FBXO36: variants seen among roughly 807,000 people sequenced by gnomAD.
FBXO36 encodes the protein F-box protein 36.
FBXO36 carries 18 observed loss-of-function variants against 17.0 expected under a neutral mutation model. That is an observed-to-expected ratio of 1.06 (90% confidence interval 0.73 to 1.57). The LOEUF (loss-of-function observed/expected upper bound fraction) is 1.57, where lower values mean the gene tolerates loss of function less well. Among genes scored for constraint, FBXO36 ranks in the 40% most tolerant of loss-of-function variants. The pLI is 0.00. For missense variants in FBXO36, 229 were observed against 221.9 expected, an observed-to-expected ratio of 1.03 and a Z score of -0.20; for synonymous variants, 83 against 85.3, an observed-to-expected ratio of 0.97 and a Z score of 0.15.
In FBXO36 at chr2:229,926,477, G is replaced by A. The variant is rs543872368; in HGVS notation, c.96+3868G>A. On this transcript the variant is annotated intron_variant, in intron 1 of 3. Transcript: ENST00000283946. ...TAAGATTTACTTGGCCAGGTGTGGTGGCTCACACCTGTAATTCCAGCATTT... is the reference window on the plus strand; with the variant it reads ...TAAGATTTACTTGGCCAGGTGTGGTAGCTCACACCTGTAATTCCAGCATTT... 1.3e-4 allele frequency among the ~76,000 whole-genome samples: 20 copies of A among 151,722 alleles called. No individual in the cohort carries two copies. The South Asian group carries it at 3.7e-3, about 28-fold the overall frequency.
Position 229,936,223 on chromosome 2 carries a change from C to T in FBXO36, c.96+13614C>T, listed in dbSNP as rs2076963207. 2.0e-5 allele frequency among the ~76,000 whole-genome samples: 3 copies of T among 152,160 alleles called. No homozygotes were observed. The South Asian group carries it at 6.2e-4, about 32-fold the overall frequency. On this transcript the variant is annotated intron_variant, in intron 1 of 3. Coordinates refer to ENST00000283946, the MANE Select transcript of FBXO36 (RefSeq NM_174899.5). ...AACAAACAAAAAACTAACTCATCCC[C>T]TCTCTTCCATTCTCACAGCACCTTC...
intron 3 of FBXO36, among the ~76,000 whole-genome samples, 164 bp downstream of exon 3, chr2:229,997,087 A>G (rs1483713600): frequency 1.3e-5 from 2 of 152,148 alleles, no homozygotes; most frequent in African/African-American, 4.8e-5. Flanking sequence ...AAGAACTTAC[A>G]GTATTATAGT....
intron 1 of FBXO36, among the ~76,000 whole-genome samples, chr2:229,961,407 T>C (rs1024789693): frequency 1.3e-5 from 2 of 152,144 alleles, no homozygotes; most frequent in Non-Finnish European, 2.9e-5. Context: ...GACGGCATCT[T>C]GCTCTGTCAC....
At chr2:230,005,874 G>A (rs2077384603) in intron 3 of FBXO36, among the ~76,000 whole-genome samples, 1 of 151,878 alleles carries the variant, frequency 6.6e-6, no homozygotes, top group African/African-American at 2.4e-5. Flanking sequence ...CACCATTTTG[G>A]CCAGGCTGAT....
Position 229,922,614 on chromosome 2 carries a change from G to T in FBXO36, c.96+5G>T, listed in dbSNP as rs1241114893. The T allele has an allele frequency of 1.9e-6, 3 of 1,613,800 alleles. No individual in the cohort carries two copies. In the East Asian group the frequency reaches 6.7e-5, roughly 36 times the overall value. On this transcript the variant is annotated splice_donor_5th_base_variant and intron_variant, in intron 1 of 3. Transcript: ENST00000283946. ...TTACTGGTCACCCGGTCTCAGGCAA[G>T]TGCGAGCCGCGGTTTACCCTCTCTC...
At chr2:229,929,090 C>T (rs1437644436) in intron 1 of FBXO36, among the ~76,000 whole-genome samples, 5 of 151,760 alleles carry the variant, frequency 3.3e-5, no homozygotes, top group African/African-American at 4.8e-5. Flanking sequence ...TGTACCACCC[C>T]GCCCGGCTAA....
intron 1 of FBXO36, among the ~76,000 whole-genome samples, chr2:229,954,614 C>A (rs1280636771): frequency 7.2e-6 from 1 of 138,602 alleles, no homozygotes; most frequent in Non-Finnish European, 1.5e-5. Flanking sequence ...GTGGCGCGAT[C>A]TCAGCTCACT....
chr2:229,987,724 G>A (rs1319794943), intron 2 of FBXO36, among the ~76,000 whole-genome samples: 1 of 152,008 alleles, frequency 6.6e-6, no homozygotes, highest in Non-Finnish European at 1.5e-5. Flanking sequence ...TTAACCTCCT[G>A]GGCTTAAGTG....
intron 1 of FBXO36, among the ~76,000 whole-genome samples, chr2:229,930,858 CCTG>C (rs1020580024): frequency 1.3e-5 from 2 of 152,308 alleles, no homozygotes; most frequent in African/African-American, 4.8e-5. Flanking sequence ...GGTTTTCCCT[CCTG>C]CTGTCATTTA....
chr2:229,964,238 A>G (rs1230297297), intron 1 of FBXO36, among the ~76,000 whole-genome samples: 1 of 152,148 alleles, frequency 6.6e-6, no homozygotes, highest in African/African-American at 2.4e-5. Context: ...TACAGTAAAA[A>G]TCACTCTTTT....
At chr2:229,923,926 C>T (rs2076881961) in intron 1 of FBXO36, among the ~76,000 whole-genome samples, 1 of 140,312 alleles carries the variant, frequency 7.1e-6, no homozygotes, top group African/African-American at 2.6e-5. Context: ...GATCTCGGCT[C>T]ACTGCGACCT....
At position 229,996,935 on chromosome 2, in the gene FBXO36, T is replaced by C. The variant is rs1358967893; in HGVS notation, c.378+12T>C. On this transcript the variant is annotated intron_variant, in intron 3 of 3. Coordinates refer to ENST00000283946, the MANE Select transcript of FBXO36 (RefSeq NM_174899.5). ...ACAGATTTGCAAAGGTAACGGTCAA[T>C]TATTTTATGTCTATATAGAATTTTC... 4 of 1,601,818 alleles carry C rather than the reference T, an allele frequency of 2.5e-6. No homozygotes were observed. The African/African-American group carries it at 5.4e-5, about 22-fold the overall frequency.
At chr2:229,931,700 G>T (rs1344638301) in intron 1 of FBXO36, among the ~76,000 whole-genome samples, 1 of 151,760 alleles carries the variant, frequency 6.6e-6, no homozygotes, top group East Asian at 2.0e-4. Context: ...TGAGCTGGGT[G>T]TGGTAGTGCA....
intron 2 of FBXO36, among the ~76,000 whole-genome samples, chr2:229,983,943 T>C (rs1489303024): frequency 6.6e-6 from 1 of 152,190 alleles, no homozygotes; most frequent in Non-Finnish European, 1.5e-5. Flanking sequence ...TTTTTAATAT[T>C]TAAAAAGTGA....
At chr2:229,975,469 AT>A (rs67276148) in intron 1 of FBXO36, among the ~76,000 whole-genome samples, 26,245 of 140,206 alleles carry the variant, frequency 0.19, 2,044 homozygotes, top group Admixed American at 0.23. Context: ...GACCTGATGG[AT>A]TTTTTTTTTT....
chr2:229,976,185 G>A (rs903286929), intron 1 of FBXO36, 56 bp from the exon 2 acceptor site: 3 of 1,356,338 alleles, frequency 2.2e-6, no homozygotes, highest in South Asian at 2.8e-5. Flanking sequence ...CAAACTTAAT[G>A]TAACTGTTAG....
At chr2:229,958,227 T>TTCTTATTG (rs2077100514) in intron 1 of FBXO36, among the ~76,000 whole-genome samples, 1 of 149,150 alleles carries the variant, frequency 6.7e-6, no homozygotes, top group South Asian at 2.1e-4. Context: ...TTTTTTTTTG[T>TTCTTATTG]TCTTATTGTT....
intron 3 of FBXO36, among the ~76,000 whole-genome samples, chr2:230,010,386 G>T (rs904313385): frequency 6.6e-6 from 1 of 152,214 alleles, no homozygotes; most frequent in Non-Finnish European, 1.5e-5. Context: ...GCAGTGGGGT[G>T]GGGGTGAAGG....
At chr2:229,958,910 A>G (rs1371108099) in intron 1 of FBXO36, among the ~76,000 whole-genome samples, 1 of 152,222 alleles carries the variant, frequency 6.6e-6, no homozygotes, top group Non-Finnish European at 1.5e-5. Flanking sequence ...CATTGTGACC[A>G]AGGCATTATT....
Sources: allele counts gnomAD v4.1 joint callset (sites outside exome capture counted in the v4.1 genomes callset), GRCh38; gene constraint gnomAD v4.1.1; transcripts MANE v1.5; gene names NCBI Gene and HGNC (gene_info 2026-07-23, HGNC 2026-07-21).